The following BRCC3 variants were observed in gnomAD, a reference collection of about 807,000 sequenced individuals.
BRCC3 encodes the protein lys-63-specific deubiquitinase BRCC36.
In BRCC3, 15 loss-of-function variants were observed where a neutral mutation model predicts 28.0. That is an observed-to-expected ratio of 0.54 (90% CI 0.36 to 0.82). BRCC3 has a LOEUF of 0.82. Ranked by LOEUF, BRCC3 falls within the 40% of genes least tolerant of loss-of-function variation. The probability of loss-of-function intolerance (pLI) is 0.01; values close to 1 mark genes in which losing one functional copy is unlikely to be tolerated. For missense variants in BRCC3, 109 were observed against 225.9 expected, an observed-to-expected ratio of 0.48 and a Z score of 3.32; for synonymous variants, 66 against 80.3, an observed-to-expected ratio of 0.82 and a Z score of 0.95.
intron 3 of BRCC3, 49 bp downstream of exon 3, chrX:155,073,480 AT>A: frequency 8.7e-7 from 1 of 1,143,423 alleles, no homozygotes; most frequent in Non-Finnish European, 1.2e-6. Flanking sequence ...TTGGGGAAAG[AT>A]TTCTGTAATC....
chrX:155,116,786 T>C, intron 9 of BRCC3, 32 bp downstream of exon 9: 1 of 1,036,565 alleles, frequency 9.6e-7, no homozygotes, highest in Non-Finnish European at 1.3e-6. Flanking sequence ...CTCAGCATTT[T>C]TTCTGACTAT....
At chrX:155,118,389 G>T (rs1260373888) in intron 9 of BRCC3, among the ~76,000 whole-genome samples, 1 of 111,702 alleles carries the variant, frequency 9.0e-6, no homozygotes, top group Non-Finnish European at 1.9e-5. Flanking sequence ...AGCTGCCTGG[G>T]CCCAGGGGTG....
chrX:155,075,755 A>G (rs2074035204), intron 3 of BRCC3, among the ~76,000 whole-genome samples: 1 of 111,728 alleles, frequency 9.0e-6, no homozygotes, highest in Non-Finnish European at 1.9e-5. Flanking sequence ...ATCTGAAATA[A>G]TTTTTTTTCC....
intron 4 of BRCC3, among the ~76,000 whole-genome samples, chrX:155,078,317 ACTT>A (rs781985484): frequency 8.9e-6 from 1 of 112,338 alleles, no homozygotes; most frequent in Non-Finnish European, 1.9e-5. Flanking sequence ...GAAAGTGACA[ACTT>A]CTGAAGATTT....
At chrX:155,073,925 C>T (rs184528738) in intron 3 of BRCC3, among the ~76,000 whole-genome samples, 63 of 111,570 alleles carry the variant, frequency 5.6e-4, no homozygotes, top group Non-Finnish European at 9.2e-4. Flanking sequence ...CTCACCTAAT[C>T]GTGGTATCGG....
At chrX:155,088,552 C>T (rs929668322) in intron 5 of BRCC3, among the ~76,000 whole-genome samples, 5 of 110,287 alleles carry the variant, frequency 4.5e-5, no homozygotes, top group Non-Finnish European at 9.5e-5. Context: ...GGGGTTTCTC[C>T]TTGTTGGTCA....
chrX:155,081,200 G>A (rs782346413), intron 5 of BRCC3, among the ~76,000 whole-genome samples: 4 of 109,901 alleles, frequency 3.6e-5, no homozygotes, highest in East Asian at 2.8e-4. Context: ...GCATGGTGGC[G>A]GGTGCCTGTA....
chrX:155,076,378 G>C (rs147632000), intron 3 of BRCC3, among the ~76,000 whole-genome samples: 1,879 of 109,971 alleles, frequency 0.017, 16 homozygotes, highest in Non-Finnish European at 0.028. Context: ...GACAGACTGA[G>C]ACTGTGTCAA....
At chrX:155,118,881 T>A (rs1253195358) in intron 9 of BRCC3, among the ~76,000 whole-genome samples, 6 of 111,591 alleles carry the variant, frequency 5.4e-5, no homozygotes, top group African/African-American at 2.0e-4. Flanking sequence ...GGGTATACAT[T>A]TGTCAAAACT....
At chrX:155,089,064 A>G (rs1227149343) in intron 5 of BRCC3, among the ~76,000 whole-genome samples, 199 bp from the exon 6 acceptor site, 1 of 111,774 alleles carries the variant, frequency 8.9e-6, no homozygotes, top group Non-Finnish European at 1.9e-5. Context: ...CAGACTTTCG[A>G]TAGTATTACC....
intron 1 of BRCC3, 90 bp downstream of exon 1, chrX:155,071,740 G>A: frequency 9.7e-7 from 1 of 1,029,407 alleles, no homozygotes; most frequent in Non-Finnish European, 1.3e-6. Flanking sequence ...GGGCTGCGGA[G>A]GCCACAGGCA....
chrX:155,087,499 T>A (rs1321518202), intron 5 of BRCC3, among the ~76,000 whole-genome samples: 1 of 111,951 alleles, frequency 8.9e-6, no homozygotes, highest in Admixed American at 9.4e-5. Flanking sequence ...CTTAGATCTA[T>A]GGTTCTGGAG....
intron 7 of BRCC3, among the ~76,000 whole-genome samples, chrX:155,109,930 A>G (rs2074309931): frequency 1.8e-5 from 2 of 111,490 alleles, no homozygotes; most frequent in African/African-American, 6.5e-5. Context: ...TATTTCTAGT[A>G]TTCTAAGCCT....
chrX:155,071,698 T>G lies in BRCC3; in HGVS notation c.123+48T>G, dbSNP rs781944497. The G allele has an allele frequency of 5.1e-6, 6 of 1,174,687 alleles. No individual in the cohort carries two copies. In the Admixed American group the frequency reaches 1.2e-4, roughly 24 times the overall value. On this transcript the variant is annotated intron_variant, in intron 1 of 10. Transcript: ENST00000330045. ...ATGGAACCCTGCTGAGCAGTCCCAG[T>G]GTGTCCCCGGGGTGGGTGCCGGCAG...
chrX:155,086,101 G>GCAACATGCATGC (rs2074125434), intron 5 of BRCC3, among the ~76,000 whole-genome samples: 1 of 111,366 alleles, frequency 9.0e-6, no homozygotes, highest in African/African-American at 3.3e-5. Context: ...AACACACCTT[G>GCAACATGCATGC]GAAATCATGA....
At chrX:155,073,657 T>C (rs1472946060) in intron 3 of BRCC3, among the ~76,000 whole-genome samples, 1 of 112,007 alleles carries the variant, frequency 8.9e-6, no homozygotes, top group Non-Finnish European at 1.9e-5. Context: ...ACCACCCTCT[T>C]GCTGCTCTCC....
intron 3 of BRCC3, among the ~76,000 whole-genome samples, chrX:155,074,618 C>G (rs1339222493): frequency 8.9e-6 from 1 of 112,072 alleles, no homozygotes; most frequent in Non-Finnish European, 1.9e-5. Flanking sequence ...GAGAAAGAAA[C>G]AATTCACCCT....
rs1228714510 is a variant in BRCC3 at position 155,122,948 on chromosome X, C to A, written c.*1744C>A. On this transcript the variant is annotated 3_prime_UTR_variant, in exon 11 of 11. Transcript: ENST00000330045. ...ATGATGATTACGATGTTGATTATAA[C>A]ATTTGATTATGAGGTTAAGCACATG... The A allele has an allele frequency of 9.0e-6, 1 of 111,526 alleles. No homozygotes were observed. The highest frequency in any genetic ancestry group is 1.9e-5 in the Non-Finnish European group (1 of 53,065). 9.2% of individuals were successfully genotyped at this position (111,526 alleles called of 1,213,427 possible).
chrX:155,122,957 A>T lies in BRCC3; in HGVS notation c.*1753A>T, dbSNP rs782223719. Reference sequence around the variant, plus strand: ...ACGATGTTGATTATAACATTTGATTATGAGGTTAAGCACATGAGTCTTTAC... The same window carrying T: ...ACGATGTTGATTATAACATTTGATTTTGAGGTTAAGCACATGAGTCTTTAC... On this transcript the variant is annotated 3_prime_UTR_variant, in exon 11 of 11. Coordinates refer to ENST00000330045, the MANE Select transcript of BRCC3 (RefSeq NM_001018055.3). 55 of 111,668 alleles carry T rather than the reference A, an allele frequency of 4.9e-4. No individual in the cohort carries two copies. The highest frequency in any genetic ancestry group is 1.6e-3 in the African/African-American group (50 of 30,702). The allele number at this position is 111,668 out of a possible 1,213,427, so 9.2% of individuals were successfully genotyped here. A position where few individuals can be genotyped will look rare whatever the true frequency, so the allele number is the denominator to read the frequency against.
Sources: gnomAD v4.1 joint callset for allele counts (sites outside exome capture counted in the v4.1 genomes callset) on GRCh38, gnomAD v4.1.1 for gene constraint, MANE v1.5 for transcripts, NCBI Gene and HGNC (gene_info 2026-07-23, HGNC 2026-07-21) for gene names.